The following PIWIL4 variants were observed in gnomAD, a reference collection of about 807,000 sequenced individuals.
PIWIL4 encodes the protein piwi-like protein 4.
In PIWIL4, 50 loss-of-function variants were observed where a neutral mutation model predicts 100.9. The ratio of observed to expected loss-of-function variants is 0.50; its 90% CI spans 0.39 to 0.63. PIWIL4 has a LOEUF of 0.63. Ranked by LOEUF, PIWIL4 falls within the 20% of genes least tolerant of loss-of-function variation. The probability of loss-of-function intolerance (pLI) is 0.00; values close to 1 mark genes in which losing one functional copy is unlikely to be tolerated. For missense variants in PIWIL4, 887 were observed against 1,043.3 expected (o/e 0.85, Z 2.06); for synonymous variants, 342 against 367.5 (o/e 0.93, Z 0.79).
At chr11:94,608,250 G>T (rs910762365) in intron 14 of PIWIL4, 1 of 215,640 alleles carries the variant, frequency 4.6e-6, no homozygotes, top group Non-Finnish European at 9.2e-6. Flanking sequence ...TCTTCAGATT[G>T]CTCCAGACCA....
At chr11:94,610,801 C>A (rs543510872) in intron 15 of PIWIL4, among the ~76,000 whole-genome samples, 1 of 152,056 alleles carries the variant, frequency 6.6e-6, no homozygotes, top group Non-Finnish European at 1.5e-5. Context: ...CTTTGCTATG[C>A]AGAAACTTTT....
chr11:94,574,880 A>G, intron 2 of PIWIL4, 119 bp from the exon 3 acceptor site: 1 of 1,026,232 alleles, frequency 9.7e-7, no homozygotes, highest in Non-Finnish European at 1.4e-6. Context: ...TTTCAGCAAT[A>G]TGGGCAAACT....
intron 15 of PIWIL4, among the ~76,000 whole-genome samples, chr11:94,612,977 T>C (rs1565283835): frequency 6.6e-6 from 1 of 152,212 alleles, no homozygotes; most frequent in African/African-American, 2.4e-5. Flanking sequence ...TCCCTACAAC[T>C]AGAGTTATAA....
At chr11:94,570,712 G>A (rs1034280738) in intron 2 of PIWIL4, among the ~76,000 whole-genome samples, 2 of 152,042 alleles carry the variant, frequency 1.3e-5, no homozygotes, top group African/African-American at 4.8e-5. Context: ...CTAACATGGT[G>A]AAACCCCGTT....
chr11:94,592,603 A>G (rs999074227), intron 8 of PIWIL4, among the ~76,000 whole-genome samples: 1 of 152,246 alleles, frequency 6.6e-6, no homozygotes, highest in Non-Finnish European at 1.5e-5. Context: ...TTCTTGAAAT[A>G]TAGAAATGCT....
intron 13 of PIWIL4, among the ~76,000 whole-genome samples, chr11:94,606,301 CT>C (rs1166424030): frequency 6.6e-6 from 1 of 152,124 alleles, no homozygotes; most frequent in African/African-American, 2.4e-5. Flanking sequence ...CTCTAAGAGC[CT>C]TTTGCTGATA....
chr11:94,598,188 G>C (rs1364471564), intron 11 of PIWIL4, among the ~76,000 whole-genome samples: 1 of 152,116 alleles, frequency 6.6e-6, no homozygotes, highest in African/African-American at 2.4e-5. Context: ...CTGTTGGGTG[G>C]TGCATTGCTC....
Position 94,587,244 on chromosome 11 carries a change from C to T in PIWIL4, c.911C>T (p.Thr304Ile). ...EKQLIGLIVL[T>I]RYNNRTYSID... ...CAGCTAATAGGGCTCATTGTCCTTACAAGGTACAAGCCTGCGTCTAAATAA... is the reference window on the plus strand; with the variant it reads ...CAGCTAATAGGGCTCATTGTCCTTATAAGGTACAAGCCTGCGTCTAAATAA... The change falls in exon 7 of 20, where the codon ACA becomes ATA. Residue 304 changes from threonine (T) to isoleucine (I), a missense_variant. Thr to Ile is a moderately conservative substitution (Grantham distance 89). This residue lies in a region of PIWIL4 where 741 missense variants were observed against 930.0 expected (regional missense o/e 0.80). Transcript: ENST00000299001. The T allele has an allele frequency of 6.2e-7, 1 of 1,613,336 alleles. No individual in the cohort carries two copies.
chr11:94,603,210 G>A (rs1399405442), intron 12 of PIWIL4, among the ~76,000 whole-genome samples: 2 of 139,824 alleles, frequency 1.4e-5, no homozygotes, highest in Non-Finnish European at 3.0e-5. Context: ...AGACGGTTCG[G>A]CCAGCCAGTC....
At chr11:94,600,981 G>A (rs1948629969) in intron 11 of PIWIL4, among the ~76,000 whole-genome samples, 1 of 151,164 alleles carries the variant, frequency 6.6e-6, no homozygotes, top group Non-Finnish European at 1.5e-5. Flanking sequence ...TTTTTTCAAG[G>A]TGCCCAGATT....
At chr11:94,569,365 G>T (rs998426429) in intron 2 of PIWIL4, among the ~76,000 whole-genome samples, 2 of 147,644 alleles carry the variant, frequency 1.4e-5, no homozygotes, top group African/African-American at 5.0e-5. Context: ...ATTATCTTTT[G>T]TTTTTTTTTT....
chr11:94,618,086 C>A lies in PIWIL4; in HGVS notation c.2147C>A (p.Ala716Glu). ...GTCCCACAGCTGCTGAGCAGTGTGG[C>A]AGAATCCAGCTCAAATACCAGGTAT... ...YEVPQLLSSV[A>E]ESSSNTSSRL... Residue 716 changes from alanine (A) to glutamate (E), a missense_variant, in exon 17 of 20, where the codon GCA (alanine) becomes GAA (glutamate). Physicochemically the swap from Ala to Glu is moderately radical, Grantham distance 107. Transcript: ENST00000299001. 6.3e-7 allele frequency: 1 copy of A among 1,578,972 alleles called. No homozygotes were observed. Among genetic ancestry groups the A allele is most frequent in the South Asian group, 1.2e-5 (1 of 85,746 alleles).
At chr11:94,579,508 G>A (rs1369252433) in intron 4 of PIWIL4, among the ~76,000 whole-genome samples, 1 of 152,066 alleles carries the variant, frequency 6.6e-6, no homozygotes. Context: ...TAGTCCCTTG[G>A]TTCAGCTGTT....
intron 8 of PIWIL4, among the ~76,000 whole-genome samples, chr11:94,590,071 CAAACAA>C (rs1220077175): frequency 1.3e-5 from 2 of 152,282 alleles, no homozygotes; most frequent in Admixed American, 6.5e-5. Flanking sequence ...TTAAAACAAA[CAAACAA>C]AAACAAAAAC....
chr11:94,584,793 G>A (rs768839134), intron 5 of PIWIL4, among the ~76,000 whole-genome samples: 1 of 152,162 alleles, frequency 6.6e-6, no homozygotes, highest in Admixed American at 6.5e-5. Context: ...CGGCTGGGCC[G>A]GTGGCTCACA....
intron 3 of PIWIL4, among the ~76,000 whole-genome samples, chr11:94,576,696 T>C (rs557710957): frequency 1.3e-5 from 2 of 152,188 alleles, no homozygotes; most frequent in African/African-American, 2.4e-5. Context: ...AGAAACCTTG[T>C]CTGTTTTCAC....
chr11:94,609,218 C>T (rs1256617350), intron 15 of PIWIL4, among the ~76,000 whole-genome samples: 1 of 152,146 alleles, frequency 6.6e-6, no homozygotes, highest in Non-Finnish European at 1.5e-5. Flanking sequence ...CATCTCCACC[C>T]ATAGTAAATA....
At chr11:94,592,222 T>G (rs900171276) in intron 8 of PIWIL4, among the ~76,000 whole-genome samples, 1 of 152,208 alleles carries the variant, frequency 6.6e-6, no homozygotes, top group African/African-American at 2.4e-5. Flanking sequence ...TAATTTCCAG[T>G]TATGGAGCCT....
At chr11:94,594,159 T>C (rs1948522983) in intron 9 of PIWIL4, among the ~76,000 whole-genome samples, 1 of 152,128 alleles carries the variant, frequency 6.6e-6, no homozygotes, top group Non-Finnish European at 1.5e-5. Flanking sequence ...ATATATCTAT[T>C]TTGCCATTAG....
Sources: gnomAD v4.1 joint callset for allele counts (sites outside exome capture counted in the v4.1 genomes callset) on GRCh38, gnomAD v4.1.1 for gene constraint, gnomAD v4.1.1 regional missense constraint, MANE v1.5 for transcripts, NCBI Gene and HGNC (gene_info 2026-07-23, HGNC 2026-07-21) for gene names.